SEC24B: variants seen among roughly 807,000 people sequenced by gnomAD.
SEC24B encodes the protein protein transport protein Sec24B.
Under a neutral mutation model 142.8 loss-of-function variants are expected in SEC24B, and 45 were observed. The ratio of observed to expected loss-of-function variants is 0.32; its 90% CI spans 0.25 to 0.40. The LOEUF (loss-of-function observed/expected upper bound fraction) is 0.40, where lower values mean the gene tolerates loss of function less well. Ranked by LOEUF, SEC24B falls within the 10% of genes least tolerant of loss-of-function variation. The pLI, the probability that SEC24B is intolerant of heterozygous loss-of-function variation, is 1.00. For missense variants in SEC24B, 1,409 were observed against 1,526.8 expected (o/e 0.92, Z 1.29); for synonymous variants, 574 against 568.2 (o/e 1.01, Z -0.15).
chr4:109,485,011 G>T (rs201977843), intron 4 of SEC24B, among the ~76,000 whole-genome samples: 3 of 152,036 alleles, frequency 2.0e-5, no homozygotes, highest in Admixed American at 6.6e-5. Flanking sequence ...AATGCCAGTC[G>T]TAGCAATACA....
At chr4:109,505,525 C>T (rs1200325052) in intron 6 of SEC24B, among the ~76,000 whole-genome samples, 2 of 152,114 alleles carry the variant, frequency 1.3e-5, no homozygotes, top group Non-Finnish European at 1.5e-5. Flanking sequence ...TGTATTGGAA[C>T]TGTCAACGTG....
At chr4:109,495,831 C>T (rs1392654797) in intron 6 of SEC24B, among the ~76,000 whole-genome samples, 3 of 152,112 alleles carry the variant, frequency 2.0e-5, no homozygotes, top group East Asian at 1.9e-4. Flanking sequence ...GTCTGCAGCG[C>T]GACTTTACAG....
At chr4:109,520,747 C>T (rs1037834874) in intron 12 of SEC24B, among the ~76,000 whole-genome samples, 2 of 152,154 alleles carry the variant, frequency 1.3e-5, no homozygotes, top group African/African-American at 4.8e-5. Flanking sequence ...AATACCAGCA[C>T]TTTGGGAGGC....
intron 6 of SEC24B, among the ~76,000 whole-genome samples, chr4:109,498,101 T>G (rs1182500473): frequency 1.3e-5 from 2 of 152,192 alleles, no homozygotes; most frequent in Non-Finnish European, 2.9e-5. Flanking sequence ...GCACTTTTTT[T>G]CTCTTTAACT....
chr4:109,510,808 TTTTACTACTGTTG>T (rs1737238370), intron 8 of SEC24B, among the ~76,000 whole-genome samples: 1 of 152,200 alleles, frequency 6.6e-6, no homozygotes, highest in African/African-American at 2.4e-5. Flanking sequence ...TCAAACTTTT[TTTTACTACTGTTG>T]TTTACTACCC....
Position 109,513,730 on chromosome 4 carries a change from T to C in SEC24B, c.1904-17T>C. On this transcript the variant is annotated splice_polypyrimidine_tract_variant and intron_variant, in intron 9 of 23. Transcript: ENST00000265175. Reference sequence around the variant, plus strand: ...ACAAATTGTGTCTCTAAATTTGTACTGGGACCTCTTATCTAGTTCCTGAAG... The same window carrying C: ...ACAAATTGTGTCTCTAAATTTGTACCGGGACCTCTTATCTAGTTCCTGAAG... The C allele has an allele frequency of 7.0e-7, 1 of 1,422,362 alleles. No individual in the cohort carries two copies. Among genetic ancestry groups the C allele is most frequent in the Non-Finnish European group, 9.9e-7 (1 of 1,005,744 alleles). The allele number at this position is 1,422,362 out of a possible 1,614,324, so 88.1% of individuals were successfully genotyped here.
At chr4:109,511,412 A>G (rs1272863900) in intron 8 of SEC24B, among the ~76,000 whole-genome samples, 1 of 151,918 alleles carries the variant, frequency 6.6e-6, no homozygotes, top group East Asian at 1.9e-4. Flanking sequence ...AAATGATAGC[A>G]GGTTAATTCA....
intron 18 of SEC24B, among the ~76,000 whole-genome samples, chr4:109,528,765 C>T (rs1005001758): frequency 2.0e-5 from 3 of 152,190 alleles, no homozygotes; most frequent in Non-Finnish European, 2.9e-5. Flanking sequence ...TGAAACAAGC[C>T]TTGCTATTTC....
chr4:109,448,567 T>C (rs1729708347), intron 1 of SEC24B, among the ~76,000 whole-genome samples: 1 of 152,098 alleles, frequency 6.6e-6, no homozygotes, highest in South Asian at 2.1e-4. Flanking sequence ...CCCAAGTAGC[T>C]GAGACTACAG....
chr4:109,538,963 T>G (rs1725870473), intron 23 of SEC24B, among the ~76,000 whole-genome samples: 1 of 151,896 alleles, frequency 6.6e-6, no homozygotes, highest in African/African-American at 2.4e-5. Flanking sequence ...TTTTAATTTT[T>G]TTTTTTTCTT....
chr4:109,514,155 A>G (rs1737679684), intron 10 of SEC24B, among the ~76,000 whole-genome samples: 2 of 152,164 alleles, frequency 1.3e-5, no homozygotes, highest in Admixed American at 1.3e-4. Context: ...CCCTTTTACC[A>G]TTTAACATTT....
chr4:109,485,255 C>T (rs984444655), intron 4 of SEC24B, among the ~76,000 whole-genome samples: 12 of 152,238 alleles, frequency 7.9e-5, no homozygotes, highest in Non-Finnish European at 1.3e-4. Flanking sequence ...CTCAACAATT[C>T]TGCAAGGCAG....
Position 109,463,434 on chromosome 4 carries a change from A to G in SEC24B, c.667A>G (p.Lys223Glu), listed in dbSNP as rs922615041. The change falls in exon 2 of 24, where the codon AAA (lysine) becomes GAA (glutamate). Residue 223 changes from lysine (K) to glutamate (E), a missense_variant. Around this residue, in one of 2 missense-constraint regions of SEC24B, gnomAD observed 709 missense variants for 673.5 expected, o/e 1.05. Transcript: ENST00000265175. ...SQNAPTVRPV[K>E]DNSFSGQNTA... ...GAATGCTCCGACTGTTAGGCCAGTT[A>G]AAGATAATTCATTCTCTGGTCAAAA... The G allele has an allele frequency of 1.2e-6, 2 of 1,614,212 alleles. No individual in the cohort carries two copies. The highest frequency in any genetic ancestry group is 8.5e-7 in the Non-Finnish European group (1 of 1,180,042).
chr4:109,506,183 G>A (rs1338386728), intron 6 of SEC24B, 145 bp from the exon 7 acceptor site: 1 of 448,692 alleles, frequency 2.2e-6, no homozygotes, highest in African/African-American at 2.0e-5. Context: ...TTTTTTTCAA[G>A]TGTGCTTTAG....
At position 109,437,107 on chromosome 4, in the gene SEC24B, G is replaced by A. The variant is rs80076183; in HGVS notation, c.133+3105G>A. On this transcript the variant is annotated intron_variant, in intron 1 of 23. Coordinates refer to ENST00000265175, the MANE Select transcript of SEC24B (RefSeq NM_006323.5). ...TCTGAAGTGGGGAGCCATCTTGTGG[G>A]ACTGAACCCTTAATCTGTGGGATCC... 2.8e-3 allele frequency among the ~76,000 whole-genome samples: 431 copies of A among 152,232 alleles called. 2 individuals are homozygous for A. Among genetic ancestry groups the A allele is most frequent in the African/African-American group, 9.3e-3 (388 of 41,542 alleles).
chr4:109,434,216 C>G (rs960066121), intron 1 of SEC24B, among the ~76,000 whole-genome samples: 1 of 149,692 alleles, frequency 6.7e-6, no homozygotes, highest in African/African-American at 2.5e-5. Flanking sequence ...GGGGGTGGGA[C>G]GCCCCTGGCG....
At chr4:109,435,380 T>C (rs141037447) in intron 1 of SEC24B, among the ~76,000 whole-genome samples, 71 of 152,366 alleles carry the variant, frequency 4.7e-4, no homozygotes, top group African/African-American at 1.7e-3. Context: ...TATAAGTTCT[T>C]GTTTTTGTTT....
chr4:109,472,813 A>G (rs1166362515), intron 2 of SEC24B, among the ~76,000 whole-genome samples, 191 bp from the exon 3 acceptor site: 1 of 151,052 alleles, frequency 6.6e-6, no homozygotes, highest in Non-Finnish European at 1.5e-5. Context: ...CACCTTTTCT[A>G]GATATACTAG....
In SEC24B at chr4:109,463,626, A is replaced by C. The variant is rs1271496049; in HGVS notation, c.859A>C (p.Asn287His). Reference sequence around the variant, plus strand: ...CACAGGATCCCTGGCTGTAGCGAACAACAACCCAACCATTACTGGTAGGTT... The same window carrying C: ...CACAGGATCCCTGGCTGTAGCGAACCACAACCCAACCATTACTGGTAGGTT... ...NHTGSLAVANNNPTITVADSL... is the reference protein window; with the variant it reads ...NHTGSLAVANHNPTITVADSL... Residue 287 changes from asparagine (N) to histidine (H), a missense_variant, in exon 2 of 24, where the codon AAC (asparagine) becomes CAC (histidine). By Grantham distance (68) the Asn-to-His change is moderately conservative (BLOSUM62 1). This residue lies in a region of SEC24B where 709 missense variants were observed against 673.5 expected (regional missense o/e 1.05). Coordinates refer to ENST00000265175, the MANE Select transcript of SEC24B (RefSeq NM_006323.5). 1 of 1,613,186 alleles carries C rather than the reference A, an allele frequency of 6.2e-7. No individual in the cohort carries two copies.
Sources: gnomAD v4.1 joint callset for allele counts (sites outside exome capture counted in the v4.1 genomes callset) on GRCh38, gnomAD v4.1.1 for gene constraint, gnomAD v4.1.1 regional missense constraint, MANE v1.5 for transcripts, NCBI Gene and HGNC (gene_info 2026-07-23, HGNC 2026-07-21) for gene names.